PCDHGB2: variants seen among roughly 807,000 people sequenced by gnomAD.
PCDHGB2 encodes protocadherin gamma-B2.
In PCDHGB2, 55 loss-of-function variants were observed where a neutral mutation model predicts 59.3. The observed-to-expected ratio is 0.93, with a 90% CI of 0.75 to 1.16. The LOEUF (loss-of-function observed/expected upper bound fraction) is 1.16, where lower values mean the gene tolerates loss of function less well. Among genes scored for constraint, PCDHGB2 ranks in the 50% most tolerant of loss-of-function variants. The pLI is 0.00. For synonymous variants in PCDHGB2, 516 were observed against 512.0 expected (o/e 1.01, Z -0.11); for missense variants, 1,228 against 1,198.5 (o/e 1.02, Z -0.36).
intron 1 of PCDHGB2, chr5:141,382,606 GA>G: frequency 3.6e-6 from 1 of 276,248 alleles, no homozygotes; most frequent in African/African-American, 2.2e-5. Flanking sequence ...AATTTTCTAT[GA>G]AATCAGTGTA....
intron 1 of PCDHGB2, chr5:141,372,474 G>C: frequency 6.2e-7 from 1 of 1,614,052 alleles, no homozygotes; most frequent in Non-Finnish European, 8.5e-7. Context: ...TCACCTAGTA[G>C]TGGCGTTGGC....
At chr5:141,399,705 C>G in intron 1 of PCDHGB2, 1 of 1,613,470 alleles carries the variant, frequency 6.2e-7, no homozygotes. Flanking sequence ...CCTTCGAACT[C>G]ACACTACAGG....
In PCDHGB2 at chr5:141,409,944, C is replaced by T. The variant is rs779095634; in HGVS notation, c.2421+47388C>T. The T allele has an allele frequency of 6.2e-7, 1 of 1,613,302 alleles. No individual in the cohort carries two copies. The highest frequency in any genetic ancestry group is 1.7e-5 in the Admixed American group (1 of 60,024). On this transcript the variant is annotated intron_variant, in intron 1 of 3. Transcript: ENST00000522605. ...GCGTTCTTCGATATGGTACCTCGCTCTGCAGAGCCCGGCTACCTAGTGACT... is the reference window on the plus strand; with the variant it reads ...GCGTTCTTCGATATGGTACCTCGCTTTGCAGAGCCCGGCTACCTAGTGACT...
intron 1 of PCDHGB2, chr5:141,407,989 T>C: frequency 1.2e-6 from 1 of 833,618 alleles, no homozygotes; most frequent in Non-Finnish European, 1.8e-6. Context: ...TCCGTCAGCC[T>C]CTGGCCTGGG....
chr5:141,501,836 T>G (rs2099811283), intron 2 of PCDHGB2, among the ~76,000 whole-genome samples: 1 of 152,136 alleles, frequency 6.6e-6, no homozygotes, highest in Non-Finnish European at 1.5e-5. Context: ...CCCACCTGTT[T>G]GGCCCTCAAC....
At position 141,432,686 on chromosome 5, in the gene PCDHGB2, G is replaced by T. The variant is rs2097528577; in HGVS notation, c.2422-62121G>T. ...CAGAGACGCGCTCAAGCAGAGCCTC[G>T]TAGTGGCCGTCCAGGACCACGGCCA... On this transcript the variant is annotated intron_variant, in intron 1 of 3. Transcript: ENST00000522605. The surrounding 1 kb of genome is among the most constrained non-coding windows in gnomAD (Gnocchi z 6.0). 6.2e-7 allele frequency: 1 copy of T among 1,613,922 alleles called. No individual in the cohort carries two copies. Among genetic ancestry groups the T allele is most frequent in the Non-Finnish European group, 8.5e-7 (1 of 1,179,968 alleles).
chr5:141,418,013 A>C (rs769578436), intron 1 of PCDHGB2: 2 of 1,613,906 alleles, frequency 1.2e-6, no homozygotes, highest in African/African-American at 2.7e-5. Flanking sequence ...GAACCTCGCT[A>C]AGGATCTAGG....
chr5:141,405,398 C>A, intron 1 of PCDHGB2: 1 of 1,590,262 alleles, frequency 6.3e-7, no homozygotes, highest in Non-Finnish European at 8.6e-7. Flanking sequence ...TTTTTTCTTT[C>A]TTTCTTTTCT....
intron 1 of PCDHGB2, chr5:141,390,248 A>G (rs778353032): frequency 2.5e-6 from 4 of 1,613,850 alleles, no homozygotes; most frequent in East Asian, 2.2e-5. Context: ...CCTTATTTCC[A>G]CTTTGTAATT....
intron 1 of PCDHGB2, among the ~76,000 whole-genome samples, chr5:141,465,140 G>A (rs1019369475): frequency 5.3e-5 from 8 of 151,554 alleles, no homozygotes; most frequent in Non-Finnish European, 7.4e-5. Context: ...AAGTTTAGGG[G>A]ATATATGAAG....
At position 141,511,520 on chromosome 5, in the gene PCDHGB2, A is replaced by C; in HGVS notation, c.*347A>C. On this transcript the variant is annotated 3_prime_UTR_variant, in exon 4 of 4. Coordinates refer to ENST00000522605, the MANE Select transcript of PCDHGB2 (RefSeq NM_018923.3). Reference sequence around the variant, plus strand: ...CAAATCAATCAGGCCCATCCATCCCATGCCTCCCTCCTCCCCACCCCACTC... The same window carrying C: ...CAAATCAATCAGGCCCATCCATCCCCTGCCTCCCTCCTCCCCACCCCACTC... The C allele has an allele frequency of 2.8e-6, 1 of 358,498 alleles. No homozygotes were observed. Among genetic ancestry groups the C allele is most frequent in the Non-Finnish European group, 5.3e-6 (1 of 189,848 alleles). 22.2% of individuals were successfully genotyped at this position (358,498 alleles called of 1,614,324 possible).
chr5:141,485,577 G>A lies in PCDHGB2; in HGVS notation c.2422-9230G>A. Reference sequence around the variant, plus strand: ...AATGATCACGCCCCCCGTTTTCCGCGGCAGCAGCTGGACTTGGAAATTGGG... The same window carrying A: ...AATGATCACGCCCCCCGTTTTCCGCAGCAGCAGCTGGACTTGGAAATTGGG... On this transcript the variant is annotated intron_variant, in intron 1 of 3. Transcript: ENST00000522605. This position sits in a 1 kb window ranked among gnomAD's most constrained non-coding sequence, Gnocchi z 5.7. 2 of 1,612,500 alleles carry A rather than the reference G, an allele frequency of 1.2e-6. No individual in the cohort carries two copies. Among genetic ancestry groups the A allele is most frequent in the Non-Finnish European group, 8.5e-7 (1 of 1,178,676 alleles).
In PCDHGB2 at chr5:141,361,865, T is replaced by C. The variant is rs1588568656; in HGVS notation, c.1730T>C (p.Met577Thr). The change falls in exon 1 of 4, where the codon ATG becomes ACG. Residue 577 changes from methionine to threonine, a missense_variant. Around this residue, in one of 3 missense-constraint regions of PCDHGB2, gnomAD observed 14 missense variants for 35.2 expected, o/e 0.40. Transcript: ENST00000522605. ...CCTGATGGCTCCGCCCTCTTCGATATGGTGCCACGCGCCGCAGAGCCCGGC... is the reference window on the plus strand; with the variant it reads ...CCTGATGGCTCCGCCCTCTTCGATACGGTGCCACGCGCCGCAGAGCCCGGC... Reference protein sequence around the residue: ...LGPDGSALFDMVPRAAEPGYL... With the variant: ...LGPDGSALFDTVPRAAEPGYL... The C allele has an allele frequency of 1.2e-6, 2 of 1,611,792 alleles. No individual in the cohort carries two copies. The highest frequency in any genetic ancestry group is 2.2e-5 in the East Asian group (1 of 44,874).
rs181202785 is a variant in PCDHGB2, at chr5:141,458,320, G to A, written c.2422-36487G>A. On this transcript the variant is annotated intron_variant, in intron 1 of 3. Transcript: ENST00000522605. ...TTTAGATAAAATGACACAGACACAT[G>A]TGGAGTGGTTTTAAGGAGTGGAGAG... is the stretch of plus-strand genomic sequence containing the variant. Among the ~76,000 whole-genome samples the A allele has an allele frequency of 3.2e-3, 490 of 152,250 alleles. 4 individuals are homozygous for A. The highest frequency in any genetic ancestry group is 0.017 in the Middle Eastern group (5 of 294).
chr5:141,486,284 C>G lies in PCDHGB2; in HGVS notation c.2422-8523C>G, dbSNP rs1259853159. ...TGCAGAACCTGGCACTGTGGTGGCA[C>G]TTATCAGTGTGCAGGATCCAGACTC... On this transcript the variant is annotated intron_variant, in intron 1 of 3. Transcript: ENST00000522605. This position sits in a 1 kb window ranked among gnomAD's most constrained non-coding sequence, Gnocchi z 5.0. The G allele has an allele frequency of 6.2e-7, 1 of 1,614,050 alleles. No homozygotes were observed. The highest frequency in any genetic ancestry group is 8.5e-7 in the Non-Finnish European group (1 of 1,179,988).
chr5:141,362,584 T>A (rs781004756), intron 1 of PCDHGB2, 28 bp downstream of exon 1: 17 of 1,598,970 alleles, frequency 1.1e-5, no homozygotes, highest in Non-Finnish European at 1.4e-5. Context: ...TATTTTCACT[T>A]CTGGTTTTAT....
At chr5:141,378,951 C>T (rs1775267163) in intron 1 of PCDHGB2, 1 of 152,180 alleles carries the variant, frequency 6.6e-6, no homozygotes, top group South Asian at 2.1e-4. Context: ...GAATGGAGTA[C>T]AGGGGATTCT....
At chr5:141,415,153 G>A in intron 1 of PCDHGB2, 4 of 1,613,780 alleles carry the variant, frequency 2.5e-6, no homozygotes, top group South Asian at 2.2e-5. Flanking sequence ...CCCTCTCTCC[G>A]CCACTGTCAC....
At chr5:141,423,852 G>T (rs796757517) in intron 1 of PCDHGB2, 36 of 1,279,400 alleles carry the variant, frequency 2.8e-5, no homozygotes, top group Non-Finnish European at 3.5e-5. Context: ...CTTTCAGAAC[G>T]TTTTTGTGAA....
Sources: allele counts gnomAD v4.1 joint callset (sites outside exome capture counted in the v4.1 genomes callset), GRCh38; gene constraint gnomAD v4.1.1; regional missense constraint gnomAD v4.1.1; non-coding constraint Gnocchi (gnomAD v3.1); transcripts MANE v1.5; gene names NCBI Gene and HGNC (gene_info 2026-07-23, HGNC 2026-07-21).